The following ADGRD1 variants were observed in gnomAD, a reference collection of about 807,000 sequenced individuals.
ADGRD1 encodes G-protein coupled receptor 133.
A neutral mutation model predicts 113.4 loss-of-function variants in ADGRD1; 77 were observed. The observed-to-expected ratio is 0.68, with a 90% CI of 0.57 to 0.82. The LOEUF is 0.82. ADGRD1 is among the 40% of genes least tolerant of loss of function. The probability of loss-of-function intolerance (pLI) is 0.00; values close to 1 mark genes in which losing one functional copy is unlikely to be tolerated. For missense variants in ADGRD1, 1,036 were observed against 1,139.1 expected (o/e 0.91, Z 1.30); for synonymous variants, 474 against 475.0 (o/e 1.00, Z 0.03).
intron 13 of ADGRD1, among the ~76,000 whole-genome samples, chr12:131,076,224 G>A (rs537239717): frequency 6.6e-6 from 1 of 152,314 alleles, no homozygotes; most frequent in African/African-American, 2.4e-5. Flanking sequence ...GGATGCAGCC[G>A]TGAATGAGAC....
In ADGRD1 at chr12:131,057,529, T is replaced by A. The variant is rs1380359238; in HGVS notation, c.1474-19272T>A. On this transcript the variant is annotated intron_variant, in intron 13 of 24. Coordinates refer to ENST00000261654, the MANE Select transcript of ADGRD1 (RefSeq NM_198827.5). The surrounding 1 kb of genome is among the most constrained non-coding windows in gnomAD (Gnocchi z 4.2). ...TCGTTCTGGAGGCTCAGCGGGAACG[T>A]CCACCCCTGCCTGTCTCCTAGTAGT... 6.6e-6 allele frequency among the ~76,000 whole-genome samples: 1 copy of A among 152,144 alleles called. No homozygotes were observed. The highest frequency in any genetic ancestry group is 2.4e-5 in the African/African-American group (1 of 41,422).
intron 2 of ADGRD1, among the ~76,000 whole-genome samples, chr12:130,955,393 G>A (rs1464496335): frequency 6.6e-6 from 1 of 152,104 alleles, no homozygotes. Context: ...TCGGGATAGA[G>A]GGCCACCCTT....
chr12:130,983,414 G>A (rs1873258190), intron 5 of ADGRD1, among the ~76,000 whole-genome samples: 1 of 152,104 alleles, frequency 6.6e-6, no homozygotes, highest in Admixed American at 6.5e-5. Flanking sequence ...AGAACCATCT[G>A]AACCTTTTCC....
intron 13 of ADGRD1, among the ~76,000 whole-genome samples, chr12:131,054,504 G>A (rs182614019): frequency 1.3e-5 from 2 of 152,256 alleles, no homozygotes; most frequent in African/African-American, 2.4e-5. Context: ...CCTTCTGTGC[G>A]CTCCACCCAG....
intron 20 of ADGRD1, among the ~76,000 whole-genome samples, chr12:131,128,333 T>G (rs1213797592): frequency 6.6e-6 from 1 of 151,880 alleles, no homozygotes; most frequent in Non-Finnish European, 1.5e-5. Context: ...CTCACTCAAG[T>G]TGCTCGAGAT....
chr12:130,992,298 A>G lies in ADGRD1; in HGVS notation c.872A>G (p.Gln291Arg), dbSNP rs574651003. 2.0e-5 allele frequency: 33 copies of G among 1,613,500 alleles called. No individual in the cohort carries two copies. Among genetic ancestry groups the G allele is most frequent in the Non-Finnish European group, 2.7e-5 (32 of 1,179,624 alleles). The change falls in exon 8 of 25, where the codon CAA (glutamine) becomes CGA (arginine). Residue 291 changes from glutamine (Q) to arginine (R), a missense_variant. Gln to Arg is a conservative substitution (Grantham distance 43). Coordinates refer to ENST00000261654, the MANE Select transcript of ADGRD1 (RefSeq NM_198827.5). ...TNLTEERKTFQSPGVILSYLQ... is the reference protein window; with the variant it reads ...TNLTEERKTFRSPGVILSYLQ... ...CTGACAGAAGAGAGAAAAACCTTCC[A>G]AAGTCCCGGAGTGATACTGAGTTAC...
chr12:131,078,662 C>G (rs892069600), intron 14 of ADGRD1, among the ~76,000 whole-genome samples: 1 of 152,082 alleles, frequency 6.6e-6, no homozygotes, highest in East Asian at 1.9e-4. Context: ...TGCAGGTACC[C>G]ATTGCCCCAA....
chr12:131,003,058 T>A lies in ADGRD1; in HGVS notation c.1027-127T>A. 1 of 790,700 alleles carries A rather than the reference T, an allele frequency of 1.3e-6. No individual in the cohort carries two copies. Among genetic ancestry groups the A allele is most frequent in the Non-Finnish European group, 2.2e-6 (1 of 455,662 alleles). The allele number at this position is 790,700 out of a possible 1,614,324, so 49.0% of individuals were successfully genotyped here. ...CCTCCTGATCCATGGGAAGGGGCAG[T>A]TGTGTGACTTCTTCCTCCCTCGTGG... On this transcript the variant is annotated intron_variant, in intron 9 of 24. Transcript: ENST00000261654. This position sits in a 1 kb window ranked among gnomAD's most constrained non-coding sequence, Gnocchi z 4.8.
chr12:131,125,971 A>G (rs1950729220), intron 20 of ADGRD1, among the ~76,000 whole-genome samples: 1 of 152,200 alleles, frequency 6.6e-6, no homozygotes, highest in Non-Finnish European at 1.5e-5. Flanking sequence ...CTTTCACACC[A>G]CTGAAAAGGT....
intron 13 of ADGRD1, among the ~76,000 whole-genome samples, chr12:131,051,218 G>A (rs1883355314): frequency 3.9e-5 from 6 of 152,228 alleles, no homozygotes. Flanking sequence ...GGGTGCTCGT[G>A]CTTGTGGGAA....
intron 11 of ADGRD1, among the ~76,000 whole-genome samples, chr12:131,005,335 C>T (rs1876949950): frequency 1.3e-5 from 2 of 152,224 alleles, no homozygotes; most frequent in Admixed American, 1.3e-4. Context: ...CTCCTGGCCG[C>T]ATGATCTGCT....
chr12:131,014,549 C>T (rs566911636), intron 13 of ADGRD1, among the ~76,000 whole-genome samples: 3 of 152,310 alleles, frequency 2.0e-5, no homozygotes, highest in East Asian at 1.9e-4. Context: ...GGGCTGGCCA[C>T]GCGGTGTCGA....
chr12:130,998,270 C>G (rs1476025786), intron 8 of ADGRD1, among the ~76,000 whole-genome samples: 1 of 152,118 alleles, frequency 6.6e-6, no homozygotes, highest in Non-Finnish European at 1.5e-5. Context: ...TACAAGACAT[C>G]TACGAGGCAG....
chr12:130,971,378 T>C lies in ADGRD1; in HGVS notation c.188-80T>C, dbSNP rs1593273854. 1 of 1,084,550 alleles carries C rather than the reference T, an allele frequency of 9.2e-7. No homozygotes were observed. 67.2% of individuals were successfully genotyped at this position (1,084,550 alleles called of 1,614,324 possible). A position where few individuals can be genotyped will look rare whatever the true frequency, so the allele number is the denominator to read the frequency against. On this transcript the variant is annotated intron_variant, in intron 3 of 24. Coordinates refer to ENST00000261654, the MANE Select transcript of ADGRD1 (RefSeq NM_198827.5). The surrounding 1 kb of genome is among the most constrained non-coding windows in gnomAD (Gnocchi z 4.2). ...ATAATGCATACTTACACATAAGTTA[T>C]TTGTAGGTCTGACACACATCTTCAG...
chr12:130,986,135 T>G (rs879851757), intron 5 of ADGRD1, among the ~76,000 whole-genome samples: 6 of 152,210 alleles, frequency 3.9e-5, no homozygotes, highest in Admixed American at 6.5e-5. Context: ...CAATATTGTA[T>G]TGGCTATTCT....
intron 4 of ADGRD1, among the ~76,000 whole-genome samples, chr12:130,979,400 A>G (rs1386299464): frequency 6.6e-6 from 1 of 152,222 alleles, no homozygotes; most frequent in Non-Finnish European, 1.5e-5. Context: ...ACAAAGGTAT[A>G]GTTGTCTTGA....
chr12:130,975,836 G>A (rs527788502), intron 4 of ADGRD1, among the ~76,000 whole-genome samples: 55 of 152,224 alleles, frequency 3.6e-4, no homozygotes, highest in Admixed American at 9.8e-4. Flanking sequence ...GCTAAATTCC[G>A]TCTCGAGTAA....
chr12:131,087,970 C>T (rs1158442160), intron 15 of ADGRD1, among the ~76,000 whole-genome samples: 3 of 152,220 alleles, frequency 2.0e-5, no homozygotes, highest in East Asian at 1.9e-4. Context: ...CCTCTGCGGA[C>T]GGCCGTGACG....
intron 13 of ADGRD1, among the ~76,000 whole-genome samples, chr12:131,054,935 T>A (rs1489686914): frequency 6.6e-6 from 1 of 152,258 alleles, no homozygotes; most frequent in Non-Finnish European, 1.5e-5. Context: ...ACCTTAGGTT[T>A]CAGTTGGTGC....
Sources: allele counts gnomAD v4.1 joint callset (sites outside exome capture counted in the v4.1 genomes callset), GRCh38; gene constraint gnomAD v4.1.1; non-coding constraint Gnocchi (gnomAD v3.1); transcripts MANE v1.5; gene names NCBI Gene and HGNC (gene_info 2026-07-23, HGNC 2026-07-21).